CRTAP: variants seen among roughly 807,000 people sequenced by gnomAD.
The protein encoded by CRTAP is cartilage associated protein.
In CRTAP, 33 loss-of-function variants were observed where a neutral mutation model predicts 42.7. The ratio of observed to expected loss-of-function variants is 0.77; its 90% confidence interval spans 0.59 to 1.03. The LOEUF (loss-of-function observed/expected upper bound fraction) is 1.03. CRTAP is among the 50% of genes least tolerant of loss of function. The pLI, the probability that CRTAP is intolerant of heterozygous loss-of-function variation, is 0.00. For synonymous variants in CRTAP, 243 were observed against 217.7 expected, an observed-to-expected ratio of 1.12 and a Z score of -1.02; for missense variants, 613 against 533.9, an observed-to-expected ratio of 1.15 and a Z score of -1.46.
At chr3:33,120,290 A>G in intron 1 of CRTAP, 54 bp from the exon 2 acceptor site, 4 of 1,509,764 alleles carry the variant, frequency 2.6e-6, no homozygotes, top group South Asian at 2.2e-5. Flanking sequence ...CTTGTTTTAC[A>G]AAAATTACCA....
intron 6 of CRTAP, among the ~76,000 whole-genome samples, chr3:33,141,587 C>T (rs931221839): frequency 6.6e-6 from 1 of 152,090 alleles, no homozygotes; most frequent in African/African-American, 2.4e-5. Flanking sequence ...TGAAGGAGGT[C>T]GAGTTTTAGC....
rs375833342 is a variant in CRTAP, at chr3:33,114,312, G to A, written c.235G>A (p.Asp79Asn). ...CCTGCGGCTGCACCGCTTGCTGCGC[G>A]ACAGCGAGGCCTTCTGCCACCGCAA... ...ISLRLHRLLRDSEAFCHRNCS... is the reference protein window; with the variant it reads ...ISLRLHRLLRNSEAFCHRNCS... The change falls in exon 1 of 7, where the codon GAC (aspartate) becomes AAC (asparagine). Residue 79 changes from aspartate (D) to asparagine (N), a missense_variant. Transcript: ENST00000320954. The A allele has an allele frequency of 3.2e-6, 5 of 1,551,408 alleles. No homozygotes were observed. The highest frequency in any genetic ancestry group is 1.2e-5 in the South Asian group (1 of 84,882).
intron 6 of CRTAP, among the ~76,000 whole-genome samples, 176 bp downstream of exon 6, chr3:33,134,441 G>T (rs945398121): frequency 6.6e-6 from 1 of 152,162 alleles, no homozygotes; most frequent in East Asian, 1.9e-4. Context: ...GGAAAGAGCG[G>T]CTTTCTAGGA....
Position 33,114,550 on chromosome 3 carries a change from C to T in CRTAP, c.471+2C>T, listed in dbSNP as rs137853943. 13 of 1,580,606 alleles carry T rather than the reference C, an allele frequency of 8.2e-6. No individual in the cohort carries two copies. The highest frequency in any genetic ancestry group is 2.3e-5 in the East Asian group (1 of 43,682). ...TTCCTGCAGTTCGCTTACTTCAAGG[C>T]AAGTCCGCCTCGCCCCGTCCCAGGC... is the stretch of plus-strand genomic sequence containing the variant. On this transcript the variant is annotated splice_donor_variant, in intron 1 of 6. Transcript: ENST00000320954. LOFTEE classifies it low-confidence loss of function (GC_TO_GT_DONOR).
At chr3:33,124,337 C>T in intron 2 of CRTAP, 71 bp from the exon 3 acceptor site, 1 of 1,591,562 alleles carries the variant, frequency 6.3e-7, no homozygotes, top group Non-Finnish European at 8.6e-7. Context: ...GTCTTGGTTC[C>T]CTTTGAGATT....
At chr3:33,131,382 G>T (rs1480240933) in intron 4 of CRTAP, among the ~76,000 whole-genome samples, 2 of 152,076 alleles carry the variant, frequency 1.3e-5, no homozygotes, top group Admixed American at 1.3e-4. Context: ...AAGCCATAAG[G>T]TCTTCTAGCT....
chr3:33,114,135 G>A lies in CRTAP; in HGVS notation c.58G>A (p.Ala20Thr). ...GCTAGCGCTGCTGTGCGTGGCCTGC[G>A]CGCTGCGCGCCGGGCGCGCCCAATA... is the stretch of plus-strand genomic sequence containing the variant. ...ALLALLCVACALRAGRAQYER... is the reference protein window; with the variant it reads ...ALLALLCVACTLRAGRAQYER... Residue 20 changes from alanine to threonine, a missense_variant, in exon 1 of 7, where the codon GCG becomes ACG. By Grantham distance (58) the Ala-to-Thr change is moderately conservative. Coordinates refer to ENST00000320954, the MANE Select transcript of CRTAP (RefSeq NM_006371.5). The A allele has an allele frequency of 3.8e-6, 6 of 1,568,736 alleles. No homozygotes were observed. The highest frequency in any genetic ancestry group is 1.4e-5 in the African/African-American group (1 of 71,450).
intron 4 of CRTAP, among the ~76,000 whole-genome samples, chr3:33,131,456 G>A (rs917231289): frequency 7.2e-5 from 11 of 152,306 alleles, no homozygotes; most frequent in Non-Finnish European, 1.6e-4. Flanking sequence ...AAGTGTTCTG[G>A]ATGCATGCGG....
At chr3:33,123,625 GTTTTTTTTT>G (rs141876885) in intron 2 of CRTAP, among the ~76,000 whole-genome samples, 1 of 106,370 alleles carries the variant, frequency 9.4e-6, no homozygotes, top group Non-Finnish European at 1.8e-5. Flanking sequence ...CCCAGTCTCG[GTTTTTTTTT>G]TTTTTTTTTT....
At chr3:33,136,082 G>A (rs1012426126) in intron 6 of CRTAP, among the ~76,000 whole-genome samples, 1 of 152,194 alleles carries the variant, frequency 6.6e-6, no homozygotes, top group African/African-American at 2.4e-5. Flanking sequence ...GCCCCTGGAA[G>A]ACTCTAATCT....
At chr3:33,134,987 G>A (rs1262191046) in intron 6 of CRTAP, among the ~76,000 whole-genome samples, 1 of 152,192 alleles carries the variant, frequency 6.6e-6, no homozygotes, top group East Asian at 1.9e-4. Context: ...TCCTATACCC[G>A]TTTTAGGTGA....
At chr3:33,127,962 G>A (rs975145650) in intron 3 of CRTAP, among the ~76,000 whole-genome samples, 1 of 151,758 alleles carries the variant, frequency 6.6e-6, no homozygotes, top group Non-Finnish European at 1.5e-5. Flanking sequence ...TGGCCAGGCT[G>A]GTTTCAAACT....
At chr3:33,124,668 G>A in intron 3 of CRTAP, 89 bp downstream of exon 3, 1 of 1,501,798 alleles carries the variant, frequency 6.7e-7, no homozygotes, top group Non-Finnish European at 9.3e-7. Context: ...TAGATGCCTG[G>A]AGCAGCCTCT....
rs910181459 is a variant in CRTAP, at chr3:33,124,450, T to C, written c.664T>C (p.Trp222Arg). Residue 222 changes from tryptophan to arginine, a missense_variant, in exon 3 of 7, where the codon TGG (tryptophan) becomes CGG (arginine). Physicochemically the swap from Trp to Arg is moderately radical, Grantham distance 101. Coordinates refer to ENST00000320954, the MANE Select transcript of CRTAP (RefSeq NM_006371.5). ...RAVRAYNGEN[W>R]RTSITDMELA... ...AGTGCGGGCATACAACGGTGAGAACTGGAGAACATCCATCACAGACATGGA... is the reference window on the plus strand; with the variant it reads ...AGTGCGGGCATACAACGGTGAGAACCGGAGAACATCCATCACAGACATGGA... The C allele has an allele frequency of 1.9e-6, 3 of 1,614,120 alleles. No homozygotes were observed. The highest frequency in any genetic ancestry group is 1.3e-5 in the African/African-American group (1 of 74,920).
chr3:33,116,296 C>G (rs1458621633), intron 1 of CRTAP, among the ~76,000 whole-genome samples: 1 of 152,176 alleles, frequency 6.6e-6, no homozygotes, highest in African/African-American at 2.4e-5. Context: ...CTTCAAAACC[C>G]TTTACAGGTC....
chr3:33,130,219 T>G, intron 4 of CRTAP, 152 bp downstream of exon 4: 1 of 795,004 alleles, frequency 1.3e-6, no homozygotes, highest in Non-Finnish European at 2.1e-6. Context: ...GCAGCATGGC[T>G]TAGTGATTCA....
chr3:33,124,816 T>C (rs2030012890), intron 3 of CRTAP, among the ~76,000 whole-genome samples: 2 of 152,222 alleles, frequency 1.3e-5, no homozygotes, highest in South Asian at 4.1e-4. Context: ...GGTAGAATTC[T>C]GTGTCTGCCC....
At chr3:33,118,373 C>G (rs1013094063) in intron 1 of CRTAP, among the ~76,000 whole-genome samples, 2 of 152,178 alleles carry the variant, frequency 1.3e-5, no homozygotes, top group African/African-American at 2.4e-5. Flanking sequence ...GAAGACTAGC[C>G]TTTTTCTGGC....
intron 5 of CRTAP, among the ~76,000 whole-genome samples, chr3:33,133,709 C>G (rs892586275): frequency 1.1e-4 from 16 of 152,164 alleles, no homozygotes; most frequent in Non-Finnish European, 1.9e-4. Context: ...TTCTCCATGT[C>G]ACATCCATGT....
Sources: gnomAD v4.1 joint callset for allele counts (sites outside exome capture counted in the v4.1 genomes callset) on GRCh38, gnomAD v4.1.1 for gene constraint, MANE v1.5 for transcripts, NCBI Gene and HGNC (gene_info 2026-07-23, HGNC 2026-07-21) for gene names.